PFAS: variants seen among roughly 807,000 people sequenced by gnomAD.
PFAS encodes the protein FGAM synthase.
In PFAS, 97 loss-of-function variants were observed where a neutral mutation model predicts 140.6. The observed-to-expected ratio is 0.69, with a 90% confidence interval of 0.59 to 0.82. The LOEUF is 0.82. Among genes scored for constraint, PFAS ranks in the 40% least tolerant of loss-of-function variants. PFAS has a pLI of 0.00. For synonymous variants in PFAS, 679 were observed against 718.8 expected, an observed-to-expected ratio of 0.94 and a Z score of 0.88; for missense variants, 1,656 against 1,780.2, an observed-to-expected ratio of 0.93 and a Z score of 1.26.
chr17:8,262,184 A>G (rs1218731200), intron 11 of PFAS, among the ~76,000 whole-genome samples: 1 of 152,232 alleles, frequency 6.6e-6, no homozygotes, highest in African/African-American at 2.4e-5. Flanking sequence ...ATGAAATCAT[A>G]TTACTTCATT....
chr17:8,252,835 T>G (rs1357918439), intron 1 of PFAS, among the ~76,000 whole-genome samples: 1 of 152,178 alleles, frequency 6.6e-6, no homozygotes, highest in African/African-American at 2.4e-5. Flanking sequence ...TTGCCCAGGT[T>G]GGTCTCGAAC....
Position 8,258,083 on chromosome 17 carries a change from C to G in PFAS, c.1220C>G (p.Ser407Cys). 1 of 1,614,142 alleles carries G rather than the reference C, an allele frequency of 6.2e-7. No homozygotes were observed. The highest frequency in any genetic ancestry group is 8.5e-7 in the Non-Finnish European group (1 of 1,180,026). The change falls in exon 11 of 28, where the codon TCC becomes TGC. Residue 407 changes from serine (S) to cysteine (C), a missense_variant. Physicochemically the swap from Ser to Cys is moderately radical, Grantham distance 112. This residue lies in a region of PFAS where 773 missense variants were observed against 757.3 expected (regional missense o/e 1.02). Transcript: ENST00000314666. ...GEPVLAGFAR[S>C]LGLQLPDGQR... ...GTTCACACTCCAGGCTTCGCCCGCT[C>G]CTTGGGCCTCCAGCTCCCAGACGGC...
Position 8,265,641 on chromosome 17 carries a change from T to C in PFAS, c.2545+2T>C. The C allele has an allele frequency of 6.2e-7, 1 of 1,611,090 alleles. No homozygotes were observed. The highest frequency in any genetic ancestry group is 8.5e-7 in the Non-Finnish European group (1 of 1,177,372). On this transcript the variant is annotated splice_donor_variant, in intron 20 of 27. Coordinates refer to ENST00000314666, the MANE Select transcript of PFAS (RefSeq NM_012393.3). LOFTEE classifies it high-confidence loss of function. Reference sequence around the variant, plus strand: ...ACCTCAAGCATCCTGAAGGGAGAGGTATGGACATGGCCCCATCCTTTGTGA... The same window carrying C: ...ACCTCAAGCATCCTGAAGGGAGAGGCATGGACATGGCCCCATCCTTTGTGA...
intron 1 of PFAS, 113 bp from the exon 2 acceptor site, chr17:8,253,746 C>A: frequency 1.6e-6 from 1 of 629,144 alleles, no homozygotes; most frequent in Non-Finnish European, 2.5e-6. Context: ...ACTATGTTGG[C>A]CGGGCTGATC....
chr17:8,248,052 C>T (rs765033997), upstream of PFAS: 10 of 1,594,692 alleles, frequency 6.3e-6, no homozygotes, highest in Non-Finnish European at 7.7e-6. Flanking sequence ...GCCGGAGCTC[C>T]GCCCCCGGGA....
chr17:8,266,147 C>A lies in PFAS; in HGVS notation c.2702-87C>A. 6.4e-7 allele frequency: 1 copy of A among 1,572,280 alleles called. No individual in the cohort carries two copies. On this transcript the variant is annotated intron_variant, in intron 21 of 27. Coordinates refer to ENST00000314666, the MANE Select transcript of PFAS (RefSeq NM_012393.3). The surrounding 1 kb of genome is among the most constrained non-coding windows in gnomAD (Gnocchi z 5.0). Reference sequence around the variant, plus strand: ...CCAGATCCCCTGACATTCTGACACACACTCTTGATGGACTGACTCCGGAAG... The same window carrying A: ...CCAGATCCCCTGACATTCTGACACAAACTCTTGATGGACTGACTCCGGAAG...
In PFAS at chr17:8,263,186, C is replaced by G. The variant is rs777394407; in HGVS notation, c.1488C>G (p.Asn496Lys). The G allele has an allele frequency of 3.1e-6, 5 of 1,613,838 alleles. No homozygotes were observed. Among genetic ancestry groups the G allele is most frequent in the Admixed American group, 1.7e-5 (1 of 59,978 alleles). The change falls in exon 13 of 28, where the codon AAC becomes AAG. Residue 496 changes from asparagine (N) to lysine (K), a missense_variant. Asn to Lys is a moderately conservative substitution (Grantham distance 94). Coordinates refer to ENST00000314666, the MANE Select transcript of PFAS (RefSeq NM_012393.3). ...RGDPEMEQKM[N>K]RVIRACVEAP... The stretch of plus-strand genomic sequence containing the variant: ...ACCCGGAGATGGAACAGAAGATGAA[C>G]CGTGTGATCAGGGCTTGTGTGGAGG...
Position 8,258,113 on chromosome 17 carries a change from G to T in PFAS, c.1250G>T (p.Arg417Leu), listed in dbSNP as rs368178589. 20 of 1,613,994 alleles carry T rather than the reference G, an allele frequency of 1.2e-5. No homozygotes were observed. The highest frequency in any genetic ancestry group is 1.6e-5 in the Non-Finnish European group (19 of 1,180,030). Residue 417 changes from arginine (R) to leucine (L), a missense_variant, in exon 11 of 28, where the codon CGG (arginine) becomes CTG (leucine). This residue lies in a region of PFAS where 773 missense variants were observed against 757.3 expected (regional missense o/e 1.02). Transcript: ENST00000314666. Reference sequence around the variant, plus strand: ...GGCCTCCAGCTCCCAGACGGCCAGCGGCGTGAGTGGATCAAGCCCATCATG... The same window carrying T: ...GGCCTCCAGCTCCCAGACGGCCAGCTGCGTGAGTGGATCAAGCCCATCATG... The part of the protein sequence containing the change: ...SLGLQLPDGQ[R>L]REWIKPIMFS...
intron 1 of PFAS, among the ~76,000 whole-genome samples, chr17:8,252,914 G>A (rs551801058): frequency 1.3e-5 from 2 of 152,126 alleles, no homozygotes; most frequent in Non-Finnish European, 2.9e-5. Context: ...ACTATGCCCC[G>A]CCCAATCTGG....
Position 8,258,107 on chromosome 17 carries a change from G to A in PFAS, c.1244G>A (p.Gly415Asp), listed in dbSNP as rs1218318863. The change falls in exon 11 of 28, where the codon GGC (glycine) becomes GAC (aspartate). Residue 415 changes from glycine (G) to aspartate (D), a missense_variant. Around this residue, in one of 2 missense-constraint regions of PFAS, gnomAD observed 773 missense variants for 757.3 expected, o/e 1.02. Transcript: ENST00000314666. Reference sequence around the variant, plus strand: ...TCCTTGGGCCTCCAGCTCCCAGACGGCCAGCGGCGTGAGTGGATCAAGCCC... The same window carrying A: ...TCCTTGGGCCTCCAGCTCCCAGACGACCAGCGGCGTGAGTGGATCAAGCCC... ...ARSLGLQLPD[G>D]QRREWIKPIM... The A allele has an allele frequency of 9.3e-6, 15 of 1,614,006 alleles. No individual in the cohort carries two copies. The highest frequency in any genetic ancestry group is 2.2e-5 in the East Asian group (1 of 44,900).
intron 1 of PFAS, among the ~76,000 whole-genome samples, chr17:8,251,482 TACCA>T (rs1989150054): frequency 4.6e-5 from 7 of 151,466 alleles, no homozygotes; most frequent in Non-Finnish European, 2.9e-5. Flanking sequence ...GACAGGGTCT[TACCA>T]TGTTGCCCAG....
chr17:8,256,336 GT>G lies in PFAS; in HGVS notation c.753del (p.Phe251LeufsTer5). 3 of 1,613,814 alleles carry G rather than the reference GT, an allele frequency of 1.9e-6. No homozygotes were observed. The highest frequency in any genetic ancestry group is 2.5e-6 in the Non-Finnish European group (3 of 1,179,798). On this transcript the variant is annotated frameshift_variant, in exon 7 of 28. Coordinates refer to ENST00000314666, the MANE Select transcript of PFAS (RefSeq NM_012393.3). LOFTEE classifies it high-confidence loss of function. Reference protein sequence around the residue: ...VDGQKLVHSLFESIMSTQESS... With the variant: ...VDGQKLVHSLXESIMSTQESS... ...ATGGGCAGAAGCTGGTGCACTCACT[GT>G]TTGAGTCCATCATGAGCACCCAGGA...
intron 1 of PFAS, among the ~76,000 whole-genome samples, chr17:8,252,836 G>A (rs1234372399): frequency 6.6e-6 from 1 of 151,978 alleles, no homozygotes; most frequent in Non-Finnish European, 1.5e-5. Flanking sequence ...TGCCCAGGTT[G>A]GTCTCGAACG....
chr17:8,258,255 G>A (rs1240829633), intron 11 of PFAS, 56 bp downstream of exon 11: 2 of 1,597,578 alleles, frequency 1.3e-6, no homozygotes, highest in Non-Finnish European at 1.7e-6. Flanking sequence ...AGCACAGGAT[G>A]GCTACAGGGA....
rs1467596604 is a variant in PFAS at position 8,267,142 on chromosome 17, G to A, written c.3082G>A (p.Val1028Met). Residue 1028 changes from valine (V) to methionine (M), a missense_variant, in exon 24 of 28, where the codon GTG becomes ATG. Val to Met is a conservative substitution (Grantham distance 21). Around this residue, in one of 2 missense-constraint regions of PFAS, gnomAD observed 883 missense variants for 1,023.0 expected, o/e 0.86. Coordinates refer to ENST00000314666, the MANE Select transcript of PFAS (RefSeq NM_012393.3). This position sits in a 1 kb window ranked among gnomAD's most constrained non-coding sequence, Gnocchi z 4.9. ...LDRLQAEPRC[V>M]AEEERGLRER... ...CCGGCTACAGGCAGAGCCTCGCTGT[G>A]TGGCAGAGGAGGAACGGGGCCTGAG... is the stretch of plus-strand genomic sequence containing the variant. 1 of 1,612,150 alleles carries A rather than the reference G, an allele frequency of 6.2e-7. No homozygotes were observed. The highest frequency in any genetic ancestry group is 2.2e-5 in the East Asian group (1 of 44,850).
Position 8,263,554 on chromosome 17 carries a change from T to C in PFAS, c.1568-21T>C, listed in dbSNP as rs776521076. ...CTGACCACCACTAGGTCACTGCTTC[T>C]CCTTGCAACCCTCTCACCAGGCAAT... On this transcript the variant is annotated intron_variant, in intron 13 of 27. Coordinates refer to ENST00000314666, the MANE Select transcript of PFAS (RefSeq NM_012393.3). The C allele has an allele frequency of 3.1e-6, 5 of 1,610,506 alleles. No individual in the cohort carries two copies. The African/African-American group carries it at 6.7e-5, about 22-fold the overall frequency.
intron 11 of PFAS, chr17:8,262,624 T>C (rs1050230295): frequency 3.1e-6 from 1 of 317,778 alleles, no homozygotes; most frequent in Non-Finnish European, 6.0e-6. Context: ...TGAAACCCTG[T>C]CTCTACTGAA....
intron 3 of PFAS, among the ~76,000 whole-genome samples, chr17:8,254,750 A>G (rs899819722): frequency 3.3e-5 from 5 of 152,098 alleles, no homozygotes; most frequent in Admixed American, 3.3e-4. Flanking sequence ...GTTGCAGTGA[A>G]CCGAGATCAC....
intron 3 of PFAS, among the ~76,000 whole-genome samples, chr17:8,254,789 G>A (rs958578337): frequency 6.6e-6 from 1 of 152,180 alleles, no homozygotes; most frequent in Non-Finnish European, 1.5e-5. Flanking sequence ...GGGCAACAGA[G>A]CAAGACTCTG....
Sources: allele counts gnomAD v4.1 joint callset (sites outside exome capture counted in the v4.1 genomes callset), GRCh38; gene constraint gnomAD v4.1.1; regional missense constraint gnomAD v4.1.1; non-coding constraint Gnocchi (gnomAD v3.1); transcripts MANE v1.5; gene names NCBI Gene and HGNC (gene_info 2026-07-23, HGNC 2026-07-21).